NF1: variants seen among roughly 807,000 people sequenced by gnomAD.
NF1 encodes the protein neurofibromin 1.
NF1 carries 122 observed loss-of-function variants against 325.7 expected under a neutral mutation model. That is an observed-to-expected ratio of 0.37 (90% CI 0.32 to 0.44). The LOEUF is 0.44. NF1 is among the 20% of genes least tolerant of loss of function. The pLI is 1.00. For missense variants in NF1, 2,140 were observed against 3,415.4 expected, an observed-to-expected ratio of 0.63 and a Z score of 9.31; for synonymous variants, 1,091 against 1,186.0, an observed-to-expected ratio of 0.92 and a Z score of 1.65.
chr17:31,223,309 T>C, intron 15 of NF1, 135 bp from the exon 16 acceptor site: 1 of 1,027,656 alleles, frequency 9.7e-7, no homozygotes, highest in Non-Finnish European at 1.5e-6. Flanking sequence ...GATAACTGTT[T>C]CTCTAAAACC....
At chr17:31,286,702 G>A (rs1256859107) in intron 36 of NF1, among the ~76,000 whole-genome samples, 1 of 152,164 alleles carries the variant, frequency 6.6e-6, no homozygotes, top group Non-Finnish European at 1.5e-5. Context: ...ATAAATGGAT[G>A]TGGTTGTATG....
At chr17:31,352,178 C>T (rs2151576630) in intron 50 of NF1, 79 bp from the exon 51 acceptor site, 2 of 1,344,418 alleles carry the variant, frequency 1.5e-6, no homozygotes, top group Non-Finnish European at 2.1e-6. Flanking sequence ...GGAAATAGGA[C>T]AGCCACTTGG....
At chr17:31,263,030 GATA>G (rs1448177041) in intron 35 of NF1, among the ~76,000 whole-genome samples, 170 of 85,028 alleles carry the variant, frequency 2.0e-3, no homozygotes, top group African/African-American at 5.9e-3. Flanking sequence ...TAGATAGATA[GATA>G]GATAGGTAGG....
chr17:31,203,602 T>G (rs988034954), intron 11 of NF1, among the ~76,000 whole-genome samples: 11 of 152,298 alleles, frequency 7.2e-5, no homozygotes, highest in African/African-American at 2.4e-4. Flanking sequence ...GAGTTTCATT[T>G]GAAGACATTT....
At chr17:31,156,916 C>G (rs759503007) in intron 2 of NF1, among the ~76,000 whole-genome samples, 3 of 152,126 alleles carry the variant, frequency 2.0e-5, no homozygotes, top group Non-Finnish European at 2.9e-5. Context: ...GGCAACTGAT[C>G]TGGATTTTTC....
chr17:31,358,992 C>T lies in NF1; in HGVS notation c.8137C>T (p.Arg2713Trp), dbSNP rs757391670. The T allele has an allele frequency of 3.1e-6, 5 of 1,613,208 alleles. No homozygotes were observed. The highest frequency in any genetic ancestry group is 4.2e-6 in the Non-Finnish European group (5 of 1,179,648). The change falls in exon 56 of 58, where the codon CGG becomes TGG. Residue 2713 changes from arginine to tryptophan, a missense_variant. This residue lies in a region of NF1 where 522 missense variants were observed against 749.0 expected (regional missense o/e 0.70). Coordinates refer to ENST00000358273, the MANE Select transcript of NF1 (RefSeq NM_001042492.3). ...AGGTTTTGGTTTTAATGGCTTGTGG[C>T]GGTTTGCAGGACCGTTTTCAAAGGT... ...LQSFGFNGLW[R>W]FAGPFSKQTQ...
intron 1 of NF1, among the ~76,000 whole-genome samples, chr17:31,131,347 G>A (rs73989989): frequency 0.013 from 2,047 of 152,314 alleles, 49 homozygotes; most frequent in African/African-American, 0.046. Context: ...GTCCCCTGGT[G>A]AGAGTGGGTT....
rs17883011 is a variant in NF1 at position 31,104,708 on chromosome 17, G to A, written c.60+9339G>A. ...AGGTCTCAGCAAGTTGTAAATTTCT[G>A]TATCATACTATGTGGTAGAGCCTTC... On this transcript the variant is annotated intron_variant, in intron 1 of 57. Transcript: ENST00000358273. Among the ~76,000 whole-genome samples, 667 of 152,200 alleles carry A rather than the reference G, an allele frequency of 4.4e-3. 6 individuals carry two copies. The highest frequency in any genetic ancestry group is 0.015 in the African/African-American group (636 of 41,514).
rs2067724684 is a variant in NF1 at position 31,263,155 on chromosome 17, G to C, written c.4724+1298G>C. Among the ~76,000 whole-genome samples the C allele has an allele frequency of 2.0e-5, 3 of 151,340 alleles. No homozygotes were observed. In the South Asian group the frequency reaches 6.2e-4, roughly 31 times the overall value. On this transcript the variant is annotated intron_variant, in intron 35 of 57. Coordinates refer to ENST00000358273, the MANE Select transcript of NF1 (RefSeq NM_001042492.3). ...AAGATAAGATAAGATAGATAAGATA[G>C]ATAGATTGGGCACAGTGGCTCATGC...
At chr17:31,307,808 A>G (rs1004674067) in intron 36 of NF1, 2 of 994,738 alleles carry the variant, frequency 2.0e-6, no homozygotes, top group African/African-American at 3.3e-5. Context: ...TAGAAACTAT[A>G]GTTCTTCTGA....
rs2065922869 is a variant in NF1, at chr17:31,171,262, C to T, written c.586+1265C>T. Among the ~76,000 whole-genome samples, 3 of 152,098 alleles carry T rather than the reference C, an allele frequency of 2.0e-5. No individual in the cohort carries two copies. The South Asian group carries it at 6.2e-4, about 32-fold the overall frequency. Reference sequence around the variant, plus strand: ...TGATTTTAGCTGTTATGCCAAGATACAAACATGTGGACAGCAATTATTTTA... The same window carrying T: ...TGATTTTAGCTGTTATGCCAAGATATAAACATGTGGACAGCAATTATTTTA... On this transcript the variant is annotated intron_variant, in intron 5 of 57. Coordinates refer to ENST00000358273, the MANE Select transcript of NF1 (RefSeq NM_001042492.3).
At chr17:31,239,306 A>G (rs2067254981) in intron 29 of NF1, among the ~76,000 whole-genome samples, 1 of 152,206 alleles carries the variant, frequency 6.6e-6, no homozygotes, top group Non-Finnish European at 1.5e-5. Flanking sequence ...TGGGCTTATC[A>G]GTAGTCTGGG....
intron 8 of NF1, among the ~76,000 whole-genome samples, chr17:31,188,286 T>G (rs777189675): frequency 6.6e-6 from 1 of 152,216 alleles, no homozygotes; most frequent in Non-Finnish European, 1.5e-5. Flanking sequence ...CATGAGTATT[T>G]CCTCCTCCTT....
intron 10 of NF1, 52 bp from the exon 11 acceptor site, chr17:31,201,359 C>CT (rs2066525868): frequency 2.0e-6 from 3 of 1,516,040 alleles, no homozygotes; most frequent in Non-Finnish European, 2.7e-6. Context: ...ATTTGTATTA[C>CT]TGAGTATTTT....
intron 36 of NF1, among the ~76,000 whole-genome samples, chr17:31,281,791 C>T (rs1248582376): frequency 6.6e-6 from 1 of 152,058 alleles, no homozygotes; most frequent in Non-Finnish European, 1.5e-5. Flanking sequence ...CACAGTGGCT[C>T]ACACCTATAA....
At chr17:31,316,445 G>A (rs945641944) in intron 36 of NF1, among the ~76,000 whole-genome samples, 2 of 152,204 alleles carry the variant, frequency 1.3e-5, no homozygotes, top group Non-Finnish European at 1.5e-5. Context: ...TATCCTTGTG[G>A]TAGAAGCTCT....
intron 16 of NF1, 92 bp downstream of exon 16, chr17:31,223,659 T>C: frequency 8.1e-7 from 1 of 1,241,884 alleles, no homozygotes; most frequent in South Asian, 1.2e-5. Flanking sequence ...AATTAGGTTC[T>C]ATTTCAGCTT....
Position 31,293,178 on chromosome 17 carries a change from C to CAAAAAAAAAAAAAAAAAAAAAA in NF1, c.4835+27851_4835+27872dup. Among the ~76,000 whole-genome samples the CAAAAAAAAAAAAAAAAAAAAAA allele has an allele frequency of 4.5e-4, 29 of 64,880 alleles. 1 individual carries two copies. Among genetic ancestry groups the CAAAAAAAAAAAAAAAAAAAAAA allele is most frequent in the East Asian group, 1.0e-3 (2 of 1,984 alleles). 42.6% of individuals were successfully genotyped at this position (64,880 alleles called of 152,430 possible). ...GGGGGATAAGAGCGAGACTTCGTCT[C>CAAAAAAAAAAAAAAAAAAAAAA]AAAAAAAAAAAAAAAAAAAAAAAAA... On this transcript the variant is annotated intron_variant, in intron 36 of 57. Coordinates refer to ENST00000358273, the MANE Select transcript of NF1 (RefSeq NM_001042492.3).
At chr17:31,207,907 T>TG (rs940935173) in intron 12 of NF1, among the ~76,000 whole-genome samples, 1 of 152,160 alleles carries the variant, frequency 6.6e-6, no homozygotes, top group African/African-American at 2.4e-5. Flanking sequence ...TAGGACTTGT[T>TG]GGGGGGTTAA....
Sources: gnomAD v4.1 joint callset for allele counts (sites outside exome capture counted in the v4.1 genomes callset) on GRCh38, gnomAD v4.1.1 for gene constraint, gnomAD v4.1.1 regional missense constraint, MANE v1.5 for transcripts, NCBI Gene and HGNC (gene_info 2026-07-23, HGNC 2026-07-21) for gene names.